Variants in PTPRT observed in about 807,000 individuals in gnomAD.
PTPRT encodes the protein receptor-type tyrosine-protein phosphatase T.
A neutral mutation model predicts 176.8 loss-of-function variants in PTPRT; 56 were observed. That is an observed-to-expected ratio of 0.32 (90% confidence interval 0.26 to 0.40). The LOEUF is 0.40. Ranked by LOEUF, PTPRT falls within the 10% of genes least tolerant of loss-of-function variation. The probability of loss-of-function intolerance (pLI) is 1.00; values close to 1 mark genes in which losing one functional copy is unlikely to be tolerated. For missense variants in PTPRT, 1,540 were observed against 1,908.2 expected (o/e 0.81, Z 3.60); for synonymous variants, 783 against 739.0 (o/e 1.06, Z -0.96).
At chr20:42,208,626 G>C (rs1305946309) in intron 15 of PTPRT, among the ~76,000 whole-genome samples, 1 of 151,822 alleles carries the variant, frequency 6.6e-6, no homozygotes, top group Non-Finnish European at 1.5e-5. Flanking sequence ...CAATACAGGA[G>C]CACCAAGATT....
chr20:42,308,423 A>C (rs2057578002), intron 12 of PTPRT, among the ~76,000 whole-genome samples: 1 of 152,060 alleles, frequency 6.6e-6, no homozygotes, highest in African/African-American at 2.4e-5. Flanking sequence ...ACACAGACAC[A>C]AGTCCTAAAG....
At chr20:42,137,150 G>T (rs1988416736) in intron 18 of PTPRT, among the ~76,000 whole-genome samples, 1 of 152,178 alleles carries the variant, frequency 6.6e-6, no homozygotes, top group Non-Finnish European at 1.5e-5. Flanking sequence ...GGATATGGCA[G>T]GGTACCAATG....
intron 1 of PTPRT, among the ~76,000 whole-genome samples, chr20:43,080,507 C>T (rs2011411188): frequency 6.6e-6 from 1 of 152,218 alleles, no homozygotes; most frequent in East Asian, 1.9e-4. Flanking sequence ...ATTGAGATCA[C>T]TGTATGGTTA....
chr20:42,138,761 T>C (rs1988491238), intron 18 of PTPRT, among the ~76,000 whole-genome samples: 1 of 152,228 alleles, frequency 6.6e-6, no homozygotes, highest in Non-Finnish European at 1.5e-5. Context: ...TTACACTCCC[T>C]AGAAACCCCA....
intron 2 of PTPRT, among the ~76,000 whole-genome samples, chr20:42,831,202 TAGAA>T (rs2145691640): frequency 6.6e-6 from 1 of 152,026 alleles, no homozygotes; most frequent in African/African-American, 2.4e-5. Context: ...TGAAACGTAA[TAGAA>T]AGCCCAGAAG....
At chr20:43,026,946 T>G (rs1488405948) in intron 1 of PTPRT, among the ~76,000 whole-genome samples, 1 of 152,232 alleles carries the variant, frequency 6.6e-6, no homozygotes, top group African/African-American at 2.4e-5. Context: ...TGTGTATATG[T>G]ACCACAATTT....
chr20:43,118,798 A>T (rs541159466), intron 1 of PTPRT, among the ~76,000 whole-genome samples: 1 of 152,314 alleles, frequency 6.6e-6, no homozygotes, highest in East Asian at 1.9e-4. Flanking sequence ...TCCACCCAAG[A>T]TCACACAGCT....
chr20:42,835,362 C>T (rs1436089164), intron 2 of PTPRT, among the ~76,000 whole-genome samples: 2 of 152,136 alleles, frequency 1.3e-5, no homozygotes, highest in African/African-American at 2.4e-5. Flanking sequence ...TATGAGGGGA[C>T]TTCAAAAGGA....
At chr20:43,086,036 C>T (rs1439660088) in intron 1 of PTPRT, among the ~76,000 whole-genome samples, 1 of 152,024 alleles carries the variant, frequency 6.6e-6, no homozygotes, top group African/African-American at 2.4e-5. Flanking sequence ...AACATGGAAC[C>T]AGAGGTCCAG....
At chr20:42,787,642 G>T (rs1348338801) in intron 3 of PTPRT, among the ~76,000 whole-genome samples, 2 of 152,158 alleles carry the variant, frequency 1.3e-5, no homozygotes, top group Non-Finnish European at 2.9e-5. Context: ...AGCAAGATCT[G>T]ATCCCCTTGT....
intron 9 of PTPRT, among the ~76,000 whole-genome samples, chr20:42,354,306 G>A (rs777533577): frequency 1.2e-4 from 18 of 152,014 alleles, no homozygotes; most frequent in South Asian, 2.1e-4. Flanking sequence ...CCTATGAAAC[G>A]CGCTTTTTTG....
chr20:42,416,970 T>G (rs1047430546), intron 9 of PTPRT, among the ~76,000 whole-genome samples: 16 of 152,110 alleles, frequency 1.1e-4, no homozygotes, highest in African/African-American at 3.9e-4. Flanking sequence ...TTTAGAGTCT[T>G]AGAAATGCTA....
At chr20:42,066,037 C>CTTTT in the PTPRT span, among the ~76,000 whole-genome samples, 4 of 124,190 alleles carry the variant, frequency 3.2e-5, no homozygotes, top group East Asian at 2.3e-4. Context: ...TAGTATATTA[C>CTTTT]TTTTTTTTTT....
At chr20:42,442,451 C>T (rs1473675099) in intron 9 of PTPRT, among the ~76,000 whole-genome samples, 1 of 152,172 alleles carries the variant, frequency 6.6e-6, no homozygotes, top group Admixed American at 6.5e-5. Flanking sequence ...ACTCTGAATG[C>T]CAGGCACCTA....
intron 2 of PTPRT, among the ~76,000 whole-genome samples, chr20:42,832,125 C>G (rs1232652603): frequency 1.3e-5 from 2 of 152,174 alleles, no homozygotes; most frequent in Non-Finnish European, 2.9e-5. Context: ...ATGAAATCAA[C>G]CTAAGTGCCC....
intron 2 of PTPRT, among the ~76,000 whole-genome samples, chr20:42,816,080 C>G (rs2077779511): frequency 6.6e-6 from 1 of 152,036 alleles, no homozygotes. Flanking sequence ...GGGCTGAAGC[C>G]AGTAATACTA....
intron 5 of PTPRT, among the ~76,000 whole-genome samples, chr20:42,770,735 G>T (rs544360999): frequency 3.3e-5 from 5 of 152,122 alleles, no homozygotes; most frequent in Non-Finnish European, 5.9e-5. Flanking sequence ...TGACAACCAC[G>T]TACCAAGAAC....
chr20:42,756,487 G>T lies in PTPRT; in HGVS notation c.834C>A (p.Ser278=). 1 of 1,593,898 alleles carries T rather than the reference G, an allele frequency of 6.3e-7. No homozygotes were observed. The highest frequency in any genetic ancestry group is 8.6e-7 in the Non-Finnish European group (1 of 1,166,988). ...VIRSDGGSGV[S]NYAELIVKEP... is the part of the protein sequence containing the mutation. ...CTTTCACGATCAGCTCCGCGTAGTT[G>T]GACACACCAGACCCACCATCAGAGC... Residue 278 remains serine, a synonymous_variant, in exon 6 of 31, where the codon TCC becomes TCA. Coordinates refer to ENST00000373187, the MANE Select transcript of PTPRT (RefSeq NM_007050.6).
intron 6 of PTPRT, among the ~76,000 whole-genome samples, chr20:42,701,659 C>G (rs1194662789): frequency 6.6e-6 from 1 of 152,014 alleles, no homozygotes; most frequent in Non-Finnish European, 1.5e-5. Context: ...TGCACAAATT[C>G]CAAGGCAGAG....
Sources: gnomAD v4.1 joint callset for allele counts (sites outside exome capture counted in the v4.1 genomes callset) on GRCh38, gnomAD v4.1.1 for gene constraint, MANE v1.5 for transcripts, NCBI Gene and HGNC (gene_info 2026-07-23, HGNC 2026-07-21) for gene names.